Variants in PI4K2A observed in about 807,000 individuals in gnomAD.
PI4K2A encodes phosphatidylinositol 4-kinase type 2-alpha.
PI4K2A carries 20 observed loss-of-function variants against 55.0 expected under a neutral mutation model. The ratio of observed to expected loss-of-function variants is 0.36; its 90% CI spans 0.26 to 0.53. PI4K2A has a LOEUF of 0.53. PI4K2A is among the 20% of genes least tolerant of loss of function. The probability of loss-of-function intolerance (pLI) is 0.91; values close to 1 mark genes in which losing one functional copy is unlikely to be tolerated. For missense variants in PI4K2A, 463 were observed against 637.1 expected, an observed-to-expected ratio of 0.73 and a Z score of 2.94; for synonymous variants, 235 against 258.5, an observed-to-expected ratio of 0.91 and a Z score of 0.87.
chr10:97,660,622 C>A (rs1420459427), intron 4 of PI4K2A, among the ~76,000 whole-genome samples: 1 of 151,644 alleles, frequency 6.6e-6, no homozygotes, highest in Non-Finnish European at 1.5e-5. Context: ...GCACTTCAGA[C>A]TTTAATTTCA....
Position 97,670,137 on chromosome 10 carries a change from C to T in PI4K2A, c.1278+3017C>T, listed in dbSNP as rs150985621. Among the ~76,000 whole-genome samples, 927 of 152,204 alleles carry T rather than the reference C, an allele frequency of 6.1e-3. 9 individuals carry two copies. Among genetic ancestry groups the T allele is most frequent in the African/African-American group, 0.017 (711 of 41,516 alleles). ...CTGGTCTCAAACTCCTGGCCTCAAG[C>T]GATCCTCCTGCCTTGGCCTCCCAAG... On this transcript the variant is annotated intron_variant, in intron 8 of 8. Coordinates refer to ENST00000370631, the Ensembl canonical transcript of PI4K2A.
At chr10:97,671,626 TA>T (rs2041635641) in intron 8 of PI4K2A, among the ~76,000 whole-genome samples, 1 of 152,310 alleles carries the variant, frequency 6.6e-6, no homozygotes, top group South Asian at 2.1e-4. Flanking sequence ...GTTGGCTTTT[TA>T]CTTTTTGTTT....
At chr10:97,659,697 C>A (rs948707758) in intron 4 of PI4K2A, among the ~76,000 whole-genome samples, 3 of 152,060 alleles carry the variant, frequency 2.0e-5, no homozygotes, top group Non-Finnish European at 4.4e-5. Context: ...TTGTGCACAT[C>A]TGGCTGCCAT....
chr10:97,672,982 T>C lies in PI4K2A; in HGVS notation c.1279-599T>C, dbSNP rs117714991. On this transcript the variant is annotated intron_variant, in intron 8 of 8. Transcript: ENST00000370631. ...CATTTTTAAGTGTTTTTTGTGTTTT[T>C]TTTTTTTCTTTTTGTTTTTTGAGAT... 9.7e-4 allele frequency among the ~76,000 whole-genome samples: 147 copies of C among 151,618 alleles called. 1 individual carries two copies. The highest frequency in any genetic ancestry group is 1.2e-3 in the East Asian group (6 of 5,170).
At chr10:97,672,725 CTTTT>C (rs146627600) in intron 8 of PI4K2A, among the ~76,000 whole-genome samples, 2 of 83,976 alleles carry the variant, frequency 2.4e-5, no homozygotes, top group Non-Finnish European at 4.4e-5. Flanking sequence ...AGGGTCTGTT[CTTTT>C]TTTTTTTTTT....
chr10:97,672,846 C>A (rs181645084), intron 8 of PI4K2A, among the ~76,000 whole-genome samples: 1 of 147,458 alleles, frequency 6.8e-6, no homozygotes, highest in East Asian at 2.0e-4. Context: ...ATTCTTATGC[C>A]CAGCCTCCCA....
At chr10:97,643,993 G>A (rs1005862418) in intron 1 of PI4K2A, among the ~76,000 whole-genome samples, 3 of 152,132 alleles carry the variant, frequency 2.0e-5, no homozygotes, top group Non-Finnish European at 4.4e-5. Context: ...GGGCCAAGGC[G>A]GGTTGGCTGT....
chr10:97,642,920 CCTTCCTTT>C lies in PI4K2A; in HGVS notation c.435+1747_435+1754del, dbSNP rs1269618922. On this transcript the variant is annotated intron_variant, in intron 1 of 8. Transcript: ENST00000370631. ...TCCTTCCTTCCTTCCTTCCTTCCTTCCTTCCTTTCTTTCCTTTCTTTCTTTCTCTTTCT... is the reference window on the plus strand; with the variant it reads ...TCCTTCCTTCCTTCCTTCCTTCCTTCCTTTCCTTTCTTTCTTTCTCTTTCT... Among the ~76,000 whole-genome samples the C allele has an allele frequency of 8.4e-3, 1,122 of 132,844 alleles. 33 individuals carry two copies. Among genetic ancestry groups the C allele is most frequent in the East Asian group, 0.048 (217 of 4,520 alleles). 87.2% of individuals were successfully genotyped at this position (132,844 alleles called of 152,430 possible).
At chr10:97,641,247 C>T in intron 1 of PI4K2A, 70 bp downstream of exon 1, 3 of 1,164,584 alleles carry the variant, frequency 2.6e-6, no homozygotes, top group African/African-American at 1.6e-5. Context: ...TTGGGGGCTT[C>T]GCACAGCCAG....
intron 4 of PI4K2A, among the ~76,000 whole-genome samples, chr10:97,661,026 C>T (rs1275573696): frequency 1.3e-5 from 2 of 151,742 alleles, no homozygotes; most frequent in African/African-American, 4.9e-5. Flanking sequence ...GAGTCTCACT[C>T]TGTTGCCCAG....
At chr10:97,651,958 C>T (rs936438771) in intron 2 of PI4K2A, among the ~76,000 whole-genome samples, 1 of 152,118 alleles carries the variant, frequency 6.6e-6, no homozygotes, top group Non-Finnish European at 1.5e-5. Flanking sequence ...ACGTGGCTAC[C>T]TGGGGTTTAG....
chr10:97,672,266 C>A lies in PI4K2A; in HGVS notation c.1279-1315C>A, dbSNP rs149486421. Among the ~76,000 whole-genome samples, 646 of 152,042 alleles carry A rather than the reference C, an allele frequency of 4.2e-3. 8 individuals are homozygous for A. Among genetic ancestry groups the A allele is most frequent in the African/African-American group, 0.015 (607 of 41,458 alleles). ...CCATGTTGGCCAGGCTGGACTTGAACTCCTGACCTCGTGATCTGCCCACCT... is the reference window on the plus strand; with the variant it reads ...CCATGTTGGCCAGGCTGGACTTGAAATCCTGACCTCGTGATCTGCCCACCT... On this transcript the variant is annotated intron_variant, in intron 8 of 8. Coordinates refer to ENST00000370631, the Ensembl canonical transcript of PI4K2A.
intron 1 of PI4K2A, among the ~76,000 whole-genome samples, chr10:97,644,729 G>T (rs1324586991): frequency 6.6e-6 from 1 of 152,238 alleles, no homozygotes; most frequent in Non-Finnish European, 1.5e-5. Flanking sequence ...AGTTGTAGGA[G>T]ACTCTTCTAC....
Position 97,651,151 on chromosome 10 carries a change from C to G in PI4K2A, c.636+10C>G. On this transcript the variant is annotated intron_variant, in intron 2 of 8. Coordinates refer to ENST00000370631, the Ensembl canonical transcript of PI4K2A. The stretch of plus-strand genomic sequence containing the variant: ...TGTTCCCCGTACAAAGGTCAGTGAC[C>G]CATCTCCAGGAAGCCTTACTGCCTG... 1 of 1,608,500 alleles carries G rather than the reference C, an allele frequency of 6.2e-7. No homozygotes were observed. The highest frequency in any genetic ancestry group is 8.5e-7 in the Non-Finnish European group (1 of 1,176,434).
chr10:97,648,549 C>T (rs1048400284), intron 1 of PI4K2A, among the ~76,000 whole-genome samples: 2 of 152,192 alleles, frequency 1.3e-5, no homozygotes, highest in Non-Finnish European at 1.5e-5. Flanking sequence ...ACCAGTTGAC[C>T]TCAGCCCTGG....
intron 1 of PI4K2A, among the ~76,000 whole-genome samples, chr10:97,645,501 G>A (rs933932589): frequency 1.3e-5 from 2 of 151,086 alleles, no homozygotes; most frequent in Non-Finnish European, 2.9e-5. Flanking sequence ...CCAGCTACTC[G>A]GGAGGCTGAG....
chr10:97,651,096 C>A, exon 2 of PI4K2A: 1 of 1,613,720 alleles, frequency 6.2e-7, no homozygotes, highest in Non-Finnish European at 8.5e-7. Flanking sequence ...CAGGGGCCAG[C>A]CTGGTGGACC....
chr10:97,651,736 G>A (rs2041530891), intron 2 of PI4K2A, among the ~76,000 whole-genome samples: 1 of 152,158 alleles, frequency 6.6e-6, no homozygotes, highest in South Asian at 2.1e-4. Context: ...CATCTTGTAT[G>A]TGTTATAGAC....
exon 1 of PI4K2A, chr10:97,640,866 G>T: frequency 7.6e-7 from 1 of 1,310,214 alleles, no homozygotes; most frequent in Admixed American, 4.1e-5. Context: ...GGCGGCGGCG[G>T]CCGGCTCGGG....
Sources: gnomAD v4.1 joint callset for allele counts (sites outside exome capture counted in the v4.1 genomes callset) on GRCh38, gnomAD v4.1.1 for gene constraint, MANE v1.5 for transcripts, NCBI Gene and HGNC (gene_info 2026-07-23, HGNC 2026-07-21) for gene names.